Variants in MYH1 observed in about 807,000 individuals in gnomAD.
The protein encoded by MYH1 is myosin heavy chain 1, also known as myosin-1.
Under a neutral mutation model 225.6 loss-of-function variants are expected in MYH1, and 214 were observed. The ratio of observed to expected loss-of-function variants is 0.95; its 90% CI spans 0.85 to 1.06. The LOEUF is 1.06. Among genes scored for constraint, MYH1 ranks in the 50% least tolerant of loss-of-function variants. The pLI is 0.00. For missense variants in MYH1, 2,098 were observed against 2,344.2 expected (o/e 0.89, Z 2.17); for synonymous variants, 774 against 842.3 (o/e 0.92, Z 1.40).
rs1239518689 is a variant in MYH1 at position 10,504,901 on chromosome 17, A to G, written c.2600T>C (p.Leu867Pro). ...KEEFEKTKEE[L>P]AKTEAKRKEL... The stretch of plus-strand genomic sequence containing the variant: ...TTTCCTTTTTGCCTCGGTCTTAGCC[A>G]GCTCTTCTTTGGTTTTCTCAAATTC... Residue 867 changes from leucine (L) to proline (P), a missense_variant, in exon 22 of 40, where the codon CTG becomes CCG. Physicochemically the swap from Leu to Pro is moderately conservative, Grantham distance 98. Coordinates refer to ENST00000226207, the MANE Select transcript of MYH1 (RefSeq NM_005963.4). 2 of 1,613,984 alleles carry G rather than the reference A, an allele frequency of 1.2e-6. No individual in the cohort carries two copies. Among genetic ancestry groups the G allele is most frequent in the Admixed American group, 1.7e-5 (1 of 59,982 alleles).
In MYH1 at chr17:10,494,552, C is replaced by G. The variant is rs769904024; in HGVS notation, c.5571+17G>C. The stretch of plus-strand genomic sequence containing the variant: ...ATGTGGACTAAAGTGAAAACCTAGA[C>G]AGGCCATTTTCCTTACTTGGTAAGT... On this transcript the variant is annotated intron_variant, in intron 38 of 39. Coordinates refer to ENST00000226207, the MANE Select transcript of MYH1 (RefSeq NM_005963.4). The G allele has an allele frequency of 6.2e-7, 1 of 1,613,046 alleles. No homozygotes were observed. Among genetic ancestry groups the G allele is most frequent in the Non-Finnish European group, 8.5e-7 (1 of 1,179,666 alleles).
intron 17 of MYH1, 53 bp downstream of exon 17, chr17:10,507,833 A>G (rs2073128296): frequency 1.3e-6 from 2 of 1,482,092 alleles, no homozygotes; most frequent in Non-Finnish European, 1.9e-6. Context: ...CCCACACCAT[A>G]GAGTACATTT....
chr17:10,512,056 T>C lies in MYH1; in HGVS notation c.1266+18A>G, dbSNP rs889492900. On this transcript the variant is annotated intron_variant, in intron 13 of 39. Transcript: ENST00000226207. The stretch of plus-strand genomic sequence containing the variant: ...GAAGGCCTGGGATGTGTGTGATTCA[T>C]TGAGGTCATGCACTTACCTGCTGCA... 1.5e-5 allele frequency: 25 copies of C among 1,613,796 alleles called. No individual in the cohort carries two copies. The highest frequency in any genetic ancestry group is 2.1e-5 in the Non-Finnish European group (25 of 1,179,780).
At chr17:10,501,540 G>A in intron 26 of MYH1, 41 bp from the exon 27 acceptor site, 1 of 1,614,172 alleles carries the variant, frequency 6.2e-7, no homozygotes, top group East Asian at 2.2e-5. Context: ...TCAACTTCTT[G>A]GTGTCAGTAA....
intron 15 of MYH1, among the ~76,000 whole-genome samples, chr17:10,508,994 C>T (rs2073145949): frequency 6.6e-6 from 1 of 152,146 alleles, no homozygotes; most frequent in Non-Finnish European, 1.5e-5. Flanking sequence ...GCATCAGAAT[C>T]ACTTGCTCAA....
At position 10,495,121 on chromosome 17, in the gene MYH1, A is replaced by G. The variant is rs770469900; in HGVS notation, c.5296-20T>C. The G allele has an allele frequency of 6.2e-7, 1 of 1,614,134 alleles. No individual in the cohort carries two copies. Among genetic ancestry groups the G allele is most frequent in the South Asian group, 1.1e-5 (1 of 91,086 alleles). On this transcript the variant is annotated intron_variant, in intron 36 of 39. Coordinates refer to ENST00000226207, the MANE Select transcript of MYH1 (RefSeq NM_005963.4). The stretch of plus-strand genomic sequence containing the variant: ...GGCAGCCTAATTAGCAGTAAAACAG[A>G]ATGGGTTAAGACAGCTAAGACAGCA...
intron 31 of MYH1, 110 bp downstream of exon 31, chr17:10,497,624 G>A: frequency 6.6e-7 from 1 of 1,519,130 alleles, no homozygotes; most frequent in Non-Finnish European, 9.0e-7. Context: ...CTGCTGATGG[G>A]TTAAGAGCTA....
At position 10,505,462 on chromosome 17, in the gene MYH1, T is replaced by C. The variant is rs1217321021; in HGVS notation, c.2224A>G (p.Ser742Gly). Reference sequence around the variant, plus strand: ...AGGAGCTTCTCTGAAGCCTTCTTGCTATCGATGAATTGTCCTTCAGGGATA... The same window carrying C: ...AGGAGCTTCTCTGAAGCCTTCTTGCCATCGATGAATTGTCCTTCAGGGATA... ...SAIPEGQFID[S>G]KKASEKLLGS... The change falls in exon 20 of 40, where the codon AGC becomes GGC. Residue 742 changes from serine (S) to glycine (G), a missense_variant. By Grantham distance (56) the Ser-to-Gly change is moderately conservative (BLOSUM62 0). Transcript: ENST00000226207. 6.2e-7 allele frequency: 1 copy of C among 1,614,222 alleles called. No homozygotes were observed. Among genetic ancestry groups the C allele is most frequent in the African/African-American group, 1.3e-5 (1 of 75,064 alleles).
Position 10,499,040 on chromosome 17 carries a change from C to T in MYH1, c.3918G>A (p.Ser1306=), listed in dbSNP as rs767428822. 15 of 1,614,004 alleles carry T rather than the reference C, an allele frequency of 9.3e-6. No individual in the cohort carries two copies. The East Asian group carries it at 1.3e-4, about 14-fold the overall frequency. The change falls in exon 29 of 40, where the codon TCG becomes TCA. Residue 1306 remains serine, a synonymous_variant. Transcript: ENST00000226207. ...DEKDTLVSQL[S]RGKQAFTQQI... is the part of the protein sequence containing the mutation. ...GTTGTGTAAAGGCTTGTTTGCCCCTCGAGAGCTGTGAAACTAGTGTGTCCT... is the reference window on the plus strand; with the variant it reads ...GTTGTGTAAAGGCTTGTTTGCCCCTTGAGAGCTGTGAAACTAGTGTGTCCT...
intron 17 of MYH1, among the ~76,000 whole-genome samples, chr17:10,507,362 C>T (rs575581875): frequency 5.7e-4 from 87 of 152,234 alleles, no homozygotes; most frequent in African/African-American, 1.9e-3. Context: ...TGTGCTTGGC[C>T]GTAATTTTTT....
Position 10,494,392 on chromosome 17 carries a change from C to T in MYH1, c.5629G>A (p.Ala1877Thr), listed in dbSNP as rs747573196. Residue 1877 changes from alanine (A) to threonine (T), a missense_variant, in exon 39 of 40, where the codon GCA (alanine) becomes ACA (threonine). Transcript: ENST00000226207. ...RLQDLVDKLQ[A>T]KVKSYKRQAE... ...TGTCTCTTGTAGGATTTCACCTTTG[C>T]TTGCAGTTTGTCCACCAGGTCCTGG... is the stretch of plus-strand genomic sequence containing the variant. 6.2e-7 allele frequency: 1 copy of T among 1,614,198 alleles called. No homozygotes were observed. Among genetic ancestry groups the T allele is most frequent in the South Asian group, 1.1e-5 (1 of 91,086 alleles).
At position 10,506,057 on chromosome 17, in the gene MYH1, G is replaced by T. The variant is rs1225671412; in HGVS notation, c.2011C>A (p.Pro671Thr). Residue 671 changes from proline to threonine, a missense_variant, in exon 18 of 40, where the codon CCC (proline) becomes ACC (threonine). By Grantham distance (38) the Pro-to-Thr change is conservative. Transcript: ENST00000226207. ...GGGATGATGCACCGCACAAAGTGGG[G>T]GTGAGTGCTCCTCAAGTTGGTCATC... is the stretch of plus-strand genomic sequence containing the variant. ...KLMTNLRSTH[P>T]HFVRCIIPNE... 3 of 1,614,030 alleles carry T rather than the reference G, an allele frequency of 1.9e-6. No individual in the cohort carries two copies. Among genetic ancestry groups the T allele is most frequent in the East Asian group, 2.2e-5 (1 of 44,898 alleles).
chr17:10,506,202 G>T, intron 17 of MYH1, 103 bp from the exon 18 acceptor site: 1 of 1,427,834 alleles, frequency 7.0e-7, no homozygotes, highest in Non-Finnish European at 9.6e-7. Flanking sequence ...TAATTCTAAT[G>T]AATAGTATCC....
In MYH1 at chr17:10,509,541, A is replaced by T. The variant is rs776728359; in HGVS notation, c.1531T>A (p.Trp511Arg). 1 of 1,614,150 alleles carries T rather than the reference A, an allele frequency of 6.2e-7. No individual in the cohort carries two copies. Among genetic ancestry groups the T allele is most frequent in the Non-Finnish European group, 8.5e-7 (1 of 1,180,034 alleles). Reference sequence around the variant, plus strand: ...TCCATCCCAAAGTCAATGAACGTCCACTCAATGCCTTCCTTCTTGTACTCC... The same window carrying T: ...TCCATCCCAAAGTCAATGAACGTCCTCTCAATGCCTTCCTTCTTGTACTCC... ...QEEYKKEGIE[W>R]TFIDFGMDLA... The change falls in exon 15 of 40, where the codon TGG (tryptophan) becomes AGG (arginine). Residue 511 changes from tryptophan to arginine, a missense_variant. Transcript: ENST00000226207.
chr17:10,497,543 T>A, intron 31 of MYH1, 91 bp from the exon 32 acceptor site: 1 of 1,512,196 alleles, frequency 6.6e-7, no homozygotes, highest in South Asian at 1.3e-5. Context: ...GTTGAGGTGT[T>A]CTGGGACTGA....
chr17:10,514,007 C>T lies in MYH1; in HGVS notation c.648+3G>A. 4 of 1,614,142 alleles carry T rather than the reference C, an allele frequency of 2.5e-6. No individual in the cohort carries two copies. Among genetic ancestry groups the T allele is most frequent in the Non-Finnish European group, 3.4e-6 (4 of 1,179,966 alleles). On this transcript the variant is annotated splice_donor_region_variant and intron_variant, in intron 7 of 39. Coordinates refer to ENST00000226207, the MANE Select transcript of MYH1 (RefSeq NM_005963.4). ...CTGGATTCTGACTAACAATCAGACTCACCTGCATTTTGCCAGAAGTAACTT... is the reference window on the plus strand; with the variant it reads ...CTGGATTCTGACTAACAATCAGACTTACCTGCATTTTGCCAGAAGTAACTT...
Position 10,510,931 on chromosome 17 carries a change from T to G in MYH1, c.1416+908A>C, listed in dbSNP as rs540532430. Among the ~76,000 whole-genome samples, 49 of 151,554 alleles carry G rather than the reference T, an allele frequency of 3.2e-4. 1 individual carries two copies. In the South Asian group the frequency reaches 5.2e-3, roughly 16 times the overall value. ...AATTGTATGATATGTTAATTATATCTCGATAAAGCTGTTACTTCAAAAAAA... is the reference window on the plus strand; with the variant it reads ...AATTGTATGATATGTTAATTATATCGCGATAAAGCTGTTACTTCAAAAAAA... On this transcript the variant is annotated intron_variant, in intron 14 of 39. Coordinates refer to ENST00000226207, the MANE Select transcript of MYH1 (RefSeq NM_005963.4).
intron 2 of MYH1, 69 bp from the exon 3 acceptor site, chr17:10,516,751 A>T (rs1001162099): frequency 1.6e-5 from 22 of 1,349,162 alleles, no homozygotes; most frequent in South Asian, 1.5e-4. Flanking sequence ...TTAAAACTTT[A>T]AAAAAAAATT....
At position 10,497,943 on chromosome 17, in the gene MYH1, A is replaced by C. The variant is rs763346456; in HGVS notation, c.4182-26T>G. The C allele has an allele frequency of 4.4e-6, 7 of 1,574,014 alleles. No homozygotes were observed. In the Admixed American group the frequency reaches 1.4e-4, roughly 32 times the overall value. ...CTATGAAATATGGGCAATAAAAGTG[A>C]ATGGCTGTCAACTGAATTGGGTGTT... is the stretch of plus-strand genomic sequence containing the variant. On this transcript the variant is annotated intron_variant, in intron 30 of 39. Coordinates refer to ENST00000226207, the MANE Select transcript of MYH1 (RefSeq NM_005963.4).
Sources: gnomAD v4.1 joint callset for allele counts (sites outside exome capture counted in the v4.1 genomes callset) on GRCh38, gnomAD v4.1.1 for gene constraint, MANE v1.5 for transcripts, NCBI Gene and HGNC (gene_info 2026-07-23, HGNC 2026-07-21) for gene names.